CREB1: variants seen among roughly 807,000 people sequenced by gnomAD.
The protein encoded by CREB1 is cyclic AMP-responsive element-binding protein 1.
Under a neutral mutation model 42.0 loss-of-function variants are expected in CREB1, and 2 were observed. That is an observed-to-expected ratio of 0.05 (90% CI 0.02 to 0.15). The LOEUF is 0.15. Among genes scored for constraint, CREB1 ranks in the 10% least tolerant of loss-of-function variants. The pLI is 1.00. For missense variants in CREB1, 199 were observed against 388.9 expected, an observed-to-expected ratio of 0.51 and a Z score of 4.11; for synonymous variants, 123 against 139.9, an observed-to-expected ratio of 0.88 and a Z score of 0.85.
chr2:207,558,735 C>G (rs929162144), intron 2 of CREB1, among the ~76,000 whole-genome samples: 5 of 151,832 alleles, frequency 3.3e-5, no homozygotes, highest in African/African-American at 7.3e-5. Context: ...ACCTCTGCCC[C>G]CTGGGTTTAA....
At chr2:207,533,049 AGC>A (rs1276210541) in intron 1 of CREB1, among the ~76,000 whole-genome samples, 1 of 151,678 alleles carries the variant, frequency 6.6e-6, no homozygotes, top group Non-Finnish European at 1.5e-5. Flanking sequence ...GCACTGTTCC[AGC>A]CATGGATAAA....
chr2:207,542,705 G>A (rs2081143551), intron 1 of CREB1, among the ~76,000 whole-genome samples: 1 of 151,998 alleles, frequency 6.6e-6, no homozygotes, highest in African/African-American at 2.4e-5. Context: ...GTGTTTTGGT[G>A]TTATATTGTG....
At chr2:207,573,739 A>C (rs2082463397) in intron 5 of CREB1, among the ~76,000 whole-genome samples, 1 of 152,186 alleles carries the variant, frequency 6.6e-6, no homozygotes, top group African/African-American at 2.4e-5. Flanking sequence ...TCTCAAAAGA[A>C]AAAAATTAAA....
At position 207,602,713 on chromosome 2, in the gene CREB1, C is replaced by G. The variant is rs1419924401; in HGVS notation, c.*5655C>G. The G allele has an allele frequency of 1.4e-5, 3 of 210,308 alleles. No homozygotes were observed. The highest frequency in any genetic ancestry group is 1.9e-4 in the South Asian group (1 of 5,296). The allele number at this position is 210,308 out of a possible 1,614,324, so 13.0% of individuals were successfully genotyped here. On this transcript the variant is annotated 3_prime_UTR_variant, in exon 8 of 8. Coordinates refer to ENST00000353267, the MANE Select transcript of CREB1 (RefSeq NM_004379.5). ...AATGCTTTATAGATGTATTTTTATC[C>G]AAGTGCCACTCCAATTTGTGTATGT...
At chr2:207,536,488 G>A (rs2080874979) in intron 1 of CREB1, among the ~76,000 whole-genome samples, 1 of 152,170 alleles carries the variant, frequency 6.6e-6, no homozygotes, top group Non-Finnish European at 1.5e-5. Flanking sequence ...CTGGAAGGCA[G>A]AGGTTGCAGT....
chr2:207,536,821 C>G (rs1304871619), intron 1 of CREB1, among the ~76,000 whole-genome samples: 1 of 151,870 alleles, frequency 6.6e-6, no homozygotes, highest in East Asian at 2.0e-4. Context: ...GAAACCCCAT[C>G]TCTACTAAAA....
chr2:207,561,209 G>A (rs780189583), intron 3 of CREB1: 3 of 1,471,582 alleles, frequency 2.0e-6, no homozygotes, highest in South Asian at 2.4e-5. Context: ...AGAAAGGAAG[G>A]TGAGAAATTA....
chr2:207,559,541 A>AT (rs1028175841), intron 2 of CREB1, among the ~76,000 whole-genome samples: 3 of 152,148 alleles, frequency 2.0e-5, no homozygotes, highest in Non-Finnish European at 4.4e-5. Context: ...CTGTTTCCTG[A>AT]TTTAGCAAAT....
At chr2:207,556,691 C>T (rs1208769573) in intron 2 of CREB1, among the ~76,000 whole-genome samples, 1 of 152,220 alleles carries the variant, frequency 6.6e-6, no homozygotes, top group African/African-American at 2.4e-5. Flanking sequence ...TACCTCCAGC[C>T]TTCAGGAATA....
chr2:207,530,944 G>C (rs1404849584), intron 1 of CREB1, among the ~76,000 whole-genome samples: 1 of 151,034 alleles, frequency 6.6e-6, no homozygotes, highest in African/African-American at 2.4e-5. Flanking sequence ...CTTTTGGGGG[G>C]AATTTTTGAC....
At position 207,596,925 on chromosome 2, in the gene CREB1, G is replaced by A; in HGVS notation, c.851G>A (p.Arg284Gln). Residue 284 changes from arginine to glutamine, a missense_variant, in exon 8 of 8, where the codon CGA becomes CAA. By Grantham distance (43) the Arg-to-Gln change is conservative (BLOSUM62 1). Transcript: ENST00000353267. ...TCTTTTGCTTGTAGGGAAGCAGCTC[G>A]AGAGTGTCGTAGAAAGAAGAAAGAA... is the stretch of plus-strand genomic sequence containing the variant. ...VRLMKNREAA[R>Q]ECRRKKKEYV... is the part of the protein sequence containing the mutation. 1 of 1,609,014 alleles carries A rather than the reference G, an allele frequency of 6.2e-7. No homozygotes were observed. Among genetic ancestry groups the A allele is most frequent in the Non-Finnish European group, 8.5e-7 (1 of 1,178,710 alleles).
rs756099360 is a variant in CREB1 at position 207,575,221 on chromosome 2, A to G, written c.506-51A>G. The stretch of plus-strand genomic sequence containing the variant: ...ATTCTACATTGGATGTAATGTTTTA[A>G]AAGTCTTATATGGTATTAAACTTGT... On this transcript the variant is annotated intron_variant, in intron 5 of 7. Transcript: ENST00000353267. 5.9e-6 allele frequency: 9 copies of G among 1,519,584 alleles called. No homozygotes were observed. The South Asian group carries it at 9.9e-5, about 17-fold the overall frequency. 94.1% of individuals were successfully genotyped at this position (1,519,584 alleles called of 1,614,324 possible). A position where few individuals can be genotyped will look rare whatever the true frequency, so the allele number is the denominator to read the frequency against.
intron 7 of CREB1, among the ~76,000 whole-genome samples, chr2:207,579,285 G>GATCAAGAA (rs539961827): frequency 0.012 from 1,856 of 152,240 alleles, 23 homozygotes; most frequent in African/African-American, 0.029. Context: ...AAGCAAGTCT[G>GATCAAGAA]ATCAAGAAGT....
Position 207,535,439 on chromosome 2 carries a change from A to G in CREB1, c.-9+5305A>G, listed in dbSNP as rs140774620. On this transcript the variant is annotated intron_variant, in intron 1 of 7. Coordinates refer to ENST00000353267, the MANE Select transcript of CREB1 (RefSeq NM_004379.5). ...CCGGTGTTTTTTTGGGTTTTTTTTAACAGACAGCTCATGGGATATTATTAC... is the reference window on the plus strand; with the variant it reads ...CCGGTGTTTTTTTGGGTTTTTTTTAGCAGACAGCTCATGGGATATTATTAC... Among the ~76,000 whole-genome samples, 1,165 of 152,210 alleles carry G rather than the reference A, an allele frequency of 7.7e-3. 16 individuals are homozygous for G. Among genetic ancestry groups the G allele is most frequent in the African/African-American group, 0.026 (1,089 of 41,532 alleles).
intron 1 of CREB1, among the ~76,000 whole-genome samples, chr2:207,535,689 A>G (rs900592794): frequency 6.6e-5 from 10 of 152,026 alleles, no homozygotes; most frequent in African/African-American, 9.6e-5. Context: ...CCTTTGGTCA[A>G]CCAGTTGGAC....
chr2:207,534,551 A>G (rs540084442), intron 1 of CREB1: 30 of 152,222 alleles, frequency 2.0e-4, no homozygotes, highest in Non-Finnish European at 4.1e-4. Flanking sequence ...AGTGGGTCAG[A>G]AGCTACAACA....
At chr2:207,576,846 A>G (rs2082617510) in intron 6 of CREB1, 1 of 964,794 alleles carries the variant, frequency 1.0e-6, no homozygotes, top group Non-Finnish European at 1.2e-6. Flanking sequence ...CTGTTTTTAG[A>G]AGCAGTTTGA....
intron 1 of CREB1, among the ~76,000 whole-genome samples, chr2:207,542,849 A>G (rs1299807683): frequency 6.6e-6 from 1 of 152,190 alleles, no homozygotes; most frequent in Non-Finnish European, 1.5e-5. Flanking sequence ...GTTATAATCC[A>G]CCTACCTCAG....
chr2:207,542,499 T>C (rs1414037722), intron 1 of CREB1, among the ~76,000 whole-genome samples: 6 of 152,204 alleles, frequency 3.9e-5, no homozygotes, highest in Admixed American at 6.5e-5. Flanking sequence ...TTCAGATCTT[T>C]TGCACATTTT....
Sources: gnomAD v4.1 joint callset for allele counts (sites outside exome capture counted in the v4.1 genomes callset) on GRCh38, gnomAD v4.1.1 for gene constraint, MANE v1.5 for transcripts, NCBI Gene and HGNC (gene_info 2026-07-23, HGNC 2026-07-21) for gene names.